FBN2: variants seen among roughly 807,000 people sequenced by gnomAD.
FBN2 encodes fibrillin-2.
A neutral mutation model predicts 355.6 loss-of-function variants in FBN2; 105 were observed. That is an observed-to-expected ratio of 0.30 (90% CI 0.25 to 0.35). The LOEUF is 0.35. Among genes scored for constraint, FBN2 ranks in the 10% least tolerant of loss-of-function variants. FBN2 has a pLI of 1.00. For missense variants in FBN2, 3,280 were observed against 3,758.7 expected, an observed-to-expected ratio of 0.87 and a Z score of 3.33; for synonymous variants, 1,350 against 1,301.2, an observed-to-expected ratio of 1.04 and a Z score of -0.81.
chr5:128,537,526 C>A lies in FBN2; in HGVS notation c.78G>T (p.Thr26=). 1 of 1,580,692 alleles carries A rather than the reference C, an allele frequency of 6.3e-7. No homozygotes were observed. The highest frequency in any genetic ancestry group is 1.3e-5 in the African/African-American group (1 of 74,360). ...GCGGAGGAGGCTGAGGCTGGCCGGCCGTGCCCTGCGCCCAGAGCACCACAC... is the reference window on the plus strand; with the variant it reads ...GCGGAGGAGGCTGAGGCTGGCCGGCAGTGCCCTGCGCCCAGAGCACCACAC... ...LGCVVLWAQG[T]AGQPQPPPPK... is the part of the protein sequence containing the mutation. The change falls in exon 1 of 65, where the codon ACG becomes ACT. Residue 26 remains threonine, a synonymous_variant. Coordinates refer to ENST00000262464, the MANE Select transcript of FBN2 (RefSeq NM_001999.4).
chr5:128,504,199 G>T (rs968984929), intron 5 of FBN2, among the ~76,000 whole-genome samples: 1 of 152,194 alleles, frequency 6.6e-6, no homozygotes, highest in African/African-American at 2.4e-5. Context: ...AGGCAGAGGT[G>T]TGCTGCACGG....
intron 5 of FBN2, among the ~76,000 whole-genome samples, chr5:128,497,976 A>G (rs540901518): frequency 6.6e-6 from 1 of 152,264 alleles, no homozygotes; most frequent in East Asian, 1.9e-4. Context: ...GGAAAAGCAA[A>G]AGCAAAAGGA....
chr5:128,317,635 T>A (rs1750243052), intron 36 of FBN2, among the ~76,000 whole-genome samples: 1 of 152,166 alleles, frequency 6.6e-6, no homozygotes, highest in Non-Finnish European at 1.5e-5. Context: ...GACAATTGTT[T>A]TTTTAAGATC....
chr5:128,302,492 T>G (rs1481160037), intron 46 of FBN2, among the ~76,000 whole-genome samples: 2 of 152,206 alleles, frequency 1.3e-5, no homozygotes, highest in Non-Finnish European at 2.9e-5. Flanking sequence ...CTAGTCACCA[T>G]TCATTATTTT....
chr5:128,383,769 A>G (rs1752296900), intron 11 of FBN2, among the ~76,000 whole-genome samples: 2 of 152,064 alleles, frequency 1.3e-5, no homozygotes, highest in South Asian at 4.1e-4. Context: ...ATCCCTGCCT[A>G]CCTATTACAA....
At chr5:128,267,925 A>G (rs1765158592) in intron 62 of FBN2, among the ~76,000 whole-genome samples, 1 of 152,234 alleles carries the variant, frequency 6.6e-6, no homozygotes, top group Non-Finnish European at 1.5e-5. Flanking sequence ...CATGTCAGAA[A>G]GCTAGAAAGA....
chr5:128,298,710 G>C (rs255693), intron 48 of FBN2, among the ~76,000 whole-genome samples: 82,616 of 151,740 alleles, frequency 0.54, 24,005 homozygotes, highest in East Asian at 0.8. Flanking sequence ...GCACTTCTCT[G>C]TATTGGTTAT....
In FBN2 at chr5:128,377,827, C is replaced by T. The variant is rs762427107; in HGVS notation, c.1774G>A (p.Val592Met). ...NGVLCKNGRCVNTDGSFQCIC... is the reference protein window; with the variant it reads ...NGVLCKNGRCMNTDGSFQCIC... ...CACTGGAAACTTCCATCTGTGTTCA[C>T]GCATCGACCGTTTTTACAAAGAACC... Residue 592 changes from valine to methionine, a missense_variant, in exon 13 of 65, where the codon GTG becomes ATG. Around this residue, in one of 6 missense-constraint regions of FBN2, gnomAD observed 2,284 missense variants for 2,749.5 expected, o/e 0.83. Transcript: ENST00000262464. The T allele has an allele frequency of 3.1e-6, 5 of 1,613,498 alleles. No homozygotes were observed. The highest frequency in any genetic ancestry group is 4.2e-6 in the Non-Finnish European group (5 of 1,179,540).
chr5:128,399,435 T>G (rs567594783), intron 8 of FBN2, among the ~76,000 whole-genome samples: 1 of 152,234 alleles, frequency 6.6e-6, no homozygotes, highest in African/African-American at 2.4e-5. Flanking sequence ...AGAGGGCAAA[T>G]TAAGGTAATT....
intron 6 of FBN2, among the ~76,000 whole-genome samples, chr5:128,461,875 G>A (rs1754567997): frequency 1.3e-5 from 2 of 151,586 alleles, no homozygotes; most frequent in Non-Finnish European, 2.9e-5. Context: ...GGAACTTAGA[G>A]GACAGGTCAA....
chr5:128,303,407 C>G (rs1329277413), intron 45 of FBN2, among the ~76,000 whole-genome samples: 1 of 152,134 alleles, frequency 6.6e-6, no homozygotes, highest in Non-Finnish European at 1.5e-5. Flanking sequence ...GTAAATAAAA[C>G]TGATCTTCTA....
chr5:128,342,212 G>C (rs1751042273), intron 25 of FBN2, among the ~76,000 whole-genome samples: 1 of 152,054 alleles, frequency 6.6e-6, no homozygotes, highest in South Asian at 2.1e-4. Flanking sequence ...CAACACCCAA[G>C]AAATGGGAAA....
intron 7 of FBN2, among the ~76,000 whole-genome samples, chr5:128,443,058 A>G (rs73347136): frequency 6.6e-6 from 1 of 152,334 alleles, no homozygotes; most frequent in African/African-American, 2.4e-5. Flanking sequence ...ATTTCTGTTA[A>G]GAAGACATCA....
At chr5:128,344,324 TCAAA>T (rs1751108070) in intron 25 of FBN2, 57 bp downstream of exon 25, 4 of 1,577,498 alleles carry the variant, frequency 2.5e-6, no homozygotes, top group Non-Finnish European at 3.5e-6. Context: ...GGCAGTCCTT[TCAAA>T]CAGAGTAAAG....
chr5:128,330,460 A>T (rs1305538321), intron 33 of FBN2, 113 bp downstream of exon 33: 1 of 1,110,178 alleles, frequency 9.0e-7, no homozygotes, highest in African/African-American at 1.5e-5. Flanking sequence ...GTCAAGTATA[A>T]AAAAAGAGGT....
chr5:128,341,295 A>C (rs1462239670), intron 25 of FBN2, among the ~76,000 whole-genome samples: 1 of 152,184 alleles, frequency 6.6e-6, no homozygotes, highest in Non-Finnish European at 1.5e-5. Context: ...TACCAGTGGA[A>C]GTTGTTCAGT....
chr5:128,345,825 C>A (rs1302112175), intron 23 of FBN2, among the ~76,000 whole-genome samples: 1 of 152,182 alleles, frequency 6.6e-6, no homozygotes, highest in Non-Finnish European at 1.5e-5. Context: ...AAGGTCCTCT[C>A]ATGAGATGAC....
At chr5:128,487,644 G>A (rs1755374994) in intron 5 of FBN2, among the ~76,000 whole-genome samples, 1 of 152,088 alleles carries the variant, frequency 6.6e-6, no homozygotes, top group South Asian at 2.1e-4. Flanking sequence ...ACTAGCAGAT[G>A]AGAGCTTCTT....
intron 5 of FBN2, among the ~76,000 whole-genome samples, chr5:128,474,743 A>C (rs1392174578): frequency 1.3e-5 from 2 of 152,134 alleles, no homozygotes; most frequent in Non-Finnish European, 2.9e-5. Context: ...GAGGAAACTA[A>C]TGTGTAATGG....
Sources: gnomAD v4.1 joint callset for allele counts (sites outside exome capture counted in the v4.1 genomes callset) on GRCh38, gnomAD v4.1.1 for gene constraint, gnomAD v4.1.1 regional missense constraint, MANE v1.5 for transcripts, NCBI Gene and HGNC (gene_info 2026-07-23, HGNC 2026-07-21) for gene names.